Variants in ENPP1 observed in about 807,000 individuals in gnomAD.
ENPP1 encodes ectonucleotide pyrophosphatase/phosphodiesterase 1, also known as ectonucleotide pyrophosphatase/phosphodiesterase family member 1.
Under a neutral mutation model 122.8 loss-of-function variants are expected in ENPP1, and 73 were observed. The observed-to-expected ratio is 0.59, with a 90% CI of 0.49 to 0.72. The LOEUF is 0.72. Among genes scored for constraint, ENPP1 ranks in the 30% least tolerant of loss-of-function variants. The pLI is 0.00. For synonymous variants in ENPP1, 367 were observed against 391.6 expected, an observed-to-expected ratio of 0.94 and a Z score of 0.74; for missense variants, 978 against 1,128.1, an observed-to-expected ratio of 0.87 and a Z score of 1.91.
intron 10 of ENPP1, 76 bp downstream of exon 10, chr6:131,864,647 C>T: frequency 5.7e-6 from 6 of 1,055,488 alleles, no homozygotes; most frequent in South Asian, 1.3e-5. Flanking sequence ...TAGACTACAA[C>T]AAAACTTTGC....
chr6:131,869,409 G>A lies in ENPP1; in HGVS notation c.1325G>A (p.Gly442Glu), dbSNP rs767298384. The A allele has an allele frequency of 2.9e-5, 46 of 1,612,140 alleles. No homozygotes were observed. The highest frequency in any genetic ancestry group is 3.7e-5 in the Non-Finnish European group (44 of 1,178,552). Reference sequence around the variant, plus strand: ...TACATATATCTGAATAAATATTTGGGGGATGTTAAAAATATTAAAGTTATC... The same window carrying A: ...TACATATATCTGAATAAATATTTGGAGGATGTTAAAAATATTAAAGTTATC... The part of the protein sequence containing the change: ...KKYIYLNKYL[G>E]DVKNIKVIYG... Residue 442 changes from glycine (G) to glutamate (E), a missense_variant, in exon 13 of 25, where the codon GGG becomes GAG. Physicochemically the swap from Gly to Glu is moderately conservative, Grantham distance 98. Around this residue, in one of 3 missense-constraint regions of ENPP1, gnomAD observed 644 missense variants for 781.5 expected, o/e 0.82. Coordinates refer to ENST00000647893, the MANE Select transcript of ENPP1 (RefSeq NM_006208.3).
intron 1 of ENPP1, among the ~76,000 whole-genome samples, chr6:131,843,449 C>T (rs1401475157): frequency 6.6e-6 from 1 of 152,164 alleles, no homozygotes; most frequent in Non-Finnish European, 1.5e-5. Context: ...TATATATAAA[C>T]CATGTGTATT....
intron 24 of ENPP1, among the ~76,000 whole-genome samples, chr6:131,888,636 C>T (rs910277151): frequency 2.0e-4 from 31 of 152,206 alleles, no homozygotes; most frequent in African/African-American, 5.3e-4. Context: ...TTACTTGTTC[C>T]TATAGAACAC....
chr6:131,824,524 G>C (rs1781521566), intron 1 of ENPP1, among the ~76,000 whole-genome samples: 2 of 151,968 alleles, frequency 1.3e-5, no homozygotes, highest in Non-Finnish European at 2.9e-5. Flanking sequence ...GCGCCATCTC[G>C]GCTCACTGCA....
At chr6:131,858,429 T>C (rs1781976685) in intron 6 of ENPP1, among the ~76,000 whole-genome samples, 1 of 152,256 alleles carries the variant, frequency 6.6e-6, no homozygotes, top group Non-Finnish European at 1.5e-5. Flanking sequence ...AGTGATGTTA[T>C]GGGTAATTGG....
intron 20 of ENPP1, among the ~76,000 whole-genome samples, chr6:131,881,679 C>G (rs796379616): frequency 1.3e-5 from 2 of 152,084 alleles, no homozygotes; most frequent in Non-Finnish European, 2.9e-5. Flanking sequence ...GTCAGGAGTT[C>G]GAGACCATCC....
chr6:131,831,459 GT>G (rs1781613338), intron 1 of ENPP1, among the ~76,000 whole-genome samples: 1 of 151,614 alleles, frequency 6.6e-6, no homozygotes. Flanking sequence ...GTCTTTTTTT[GT>G]TTTTTTGTTC....
At chr6:131,818,047 A>G (rs6939185) in intron 1 of ENPP1, among the ~76,000 whole-genome samples, 104,057 of 151,842 alleles carry the variant, frequency 0.69, 36,848 homozygotes, top group African/African-American at 0.86. Context: ...GTTCCTAAAG[A>G]TGTGTTTCCC....
intron 24 of ENPP1, among the ~76,000 whole-genome samples, chr6:131,889,091 T>G (rs1360453239): frequency 6.6e-6 from 1 of 152,232 alleles, no homozygotes; most frequent in Admixed American, 6.5e-5. Flanking sequence ...GTAGTACATT[T>G]GCACACATCA....
At chr6:131,883,471 T>G (rs1054370056) in intron 21 of ENPP1, among the ~76,000 whole-genome samples, 1 of 152,236 alleles carries the variant, frequency 6.6e-6, no homozygotes, top group Non-Finnish European at 1.5e-5. Context: ...AAGTTTATGT[T>G]TCGTTGACAT....
At chr6:131,838,601 A>C (rs886641737) in intron 1 of ENPP1, among the ~76,000 whole-genome samples, 54 of 151,730 alleles carry the variant, frequency 3.6e-4, no homozygotes, top group African/African-American at 1.2e-3. Flanking sequence ...AAAAAAAAAA[A>C]CCCGAAACCC....
intron 1 of ENPP1, 29 bp from the exon 2 acceptor site, chr6:131,847,747 C>T (rs745489473): frequency 1.4e-6 from 2 of 1,447,562 alleles, no homozygotes; most frequent in Non-Finnish European, 1.9e-6. Context: ...AAAAAAGAAA[C>T]CATGTAATTT....
Position 131,893,476 on chromosome 6 carries a change from G to A in ENPP1, c.*2965G>A, listed in dbSNP as rs1782499253. On this transcript the variant is annotated 3_prime_UTR_variant, in exon 25 of 25. Transcript: ENST00000647893. ...AATTGGAACTTTTCAGATGAGCAAG[G>A]CAAAGAAGGGACCTTCTAACATTCC... 6.6e-6 allele frequency: 1 copy of A among 152,240 alleles called. No individual in the cohort carries two copies. Among genetic ancestry groups the A allele is most frequent in the African/African-American group, 2.4e-5 (1 of 41,464 alleles). 9.4% of individuals were successfully genotyped at this position (152,240 alleles called of 1,614,324 possible).
intron 1 of ENPP1, among the ~76,000 whole-genome samples, chr6:131,837,005 G>C (rs1457848009): frequency 6.6e-6 from 1 of 152,232 alleles, no homozygotes; most frequent in East Asian, 1.9e-4. Context: ...CTTATGTGTG[G>C]ATCTGTGCAG....
At chr6:131,829,835 G>A (rs1781588386) in intron 1 of ENPP1, among the ~76,000 whole-genome samples, 1 of 152,190 alleles carries the variant, frequency 6.6e-6, no homozygotes, top group African/African-American at 2.4e-5. Flanking sequence ...TGCAGCCACT[G>A]CAGGGGTCCC....
intron 1 of ENPP1, among the ~76,000 whole-genome samples, chr6:131,840,938 T>C (rs1781731741): frequency 6.6e-6 from 1 of 152,204 alleles, no homozygotes; most frequent in Non-Finnish European, 1.5e-5. Flanking sequence ...CCCTATGTGA[T>C]GTGCTTGTTC....
intron 24 of ENPP1, among the ~76,000 whole-genome samples, chr6:131,886,942 T>C (rs1373437333): frequency 6.6e-6 from 1 of 150,516 alleles, no homozygotes; most frequent in Non-Finnish European, 1.5e-5. Flanking sequence ...TTTTTTTTTT[T>C]TTTTAGAGAT....
At chr6:131,822,708 T>C (rs1384041386) in intron 1 of ENPP1, among the ~76,000 whole-genome samples, 2 of 152,174 alleles carry the variant, frequency 1.3e-5, no homozygotes, top group East Asian at 3.8e-4. Flanking sequence ...ATAAGTAGGA[T>C]TTTGAGACTT....
At chr6:131,886,770 A>T in intron 24 of ENPP1, 46 bp downstream of exon 24, 1 of 1,552,760 alleles carries the variant, frequency 6.4e-7, no homozygotes, top group Non-Finnish European at 8.9e-7. Flanking sequence ...AAATCTAGAC[A>T]TATGCATATT....
Sources: allele counts gnomAD v4.1 joint callset (sites outside exome capture counted in the v4.1 genomes callset), GRCh38; gene constraint gnomAD v4.1.1; regional missense constraint gnomAD v4.1.1; transcripts MANE v1.5; gene names NCBI Gene and HGNC (gene_info 2026-07-23, HGNC 2026-07-21).